The following KCNQ3 variants were observed in gnomAD, a reference collection of about 807,000 sequenced individuals.
The protein encoded by KCNQ3 is potassium voltage-gated channel subfamily Q member 3, also known as potassium voltage-gated channel subfamily KQT member 3.
In KCNQ3, 30 loss-of-function variants were observed where a neutral mutation model predicts 92.5. The ratio of observed to expected loss-of-function variants is 0.32; its 90% CI spans 0.24 to 0.44. The LOEUF (loss-of-function observed/expected upper bound fraction) is 0.44, where lower values mean the gene tolerates loss of function less well. KCNQ3 is among the 20% of genes least tolerant of loss of function. The pLI is 1.00. For missense variants in KCNQ3, 913 were observed against 1,140.3 expected (o/e 0.80, Z 2.87); for synonymous variants, 450 against 468.8 (o/e 0.96, Z 0.52).
At chr8:132,465,811 T>C (rs1426393473) in intron 1 of KCNQ3, among the ~76,000 whole-genome samples, 1 of 150,592 alleles carries the variant, frequency 6.6e-6, no homozygotes, top group African/African-American at 2.4e-5. Flanking sequence ...CTTGGGAGGC[T>C]GAGGCGGGAG....
At chr8:132,224,999 T>G (rs947960747) in intron 1 of KCNQ3, among the ~76,000 whole-genome samples, 2 of 152,182 alleles carry the variant, frequency 1.3e-5, no homozygotes, top group African/African-American at 4.8e-5. Context: ...GTGCTTACAA[T>G]TGACAGAATG....
rs943073757 is a variant in KCNQ3, at chr8:132,170,370, C to T, written c.1199G>A (p.Arg400Lys). The change falls in exon 8 of 15, where the codon AGA becomes AAA. Residue 400 changes from arginine (R) to lysine (K), a missense_variant. Around this residue, in one of 6 missense-constraint regions of KCNQ3, gnomAD observed 52 missense variants for 127.7 expected, o/e 0.41. Transcript: ENST00000388996. The part of the protein sequence containing the change: ...PNRIDLVATW[R>K]FYESVVSFPF... ...AAAAGAGACGACTGATTCATAAAAT[C>T]TCCATGTCGCCACCAGGTCAATCCT... is the stretch of plus-strand genomic sequence containing the variant. The T allele has an allele frequency of 2.5e-6, 4 of 1,613,958 alleles. No homozygotes were observed. In the African/African-American group the frequency reaches 4.0e-5, roughly 16 times the overall value.
At chr8:132,331,573 C>T (rs990983344) in intron 1 of KCNQ3, among the ~76,000 whole-genome samples, 2 of 152,206 alleles carry the variant, frequency 1.3e-5, no homozygotes, top group African/African-American at 4.8e-5. Flanking sequence ...TGTCCCCTCC[C>T]CTCTTCTCTT....
At chr8:132,222,750 T>G (rs2130343819) in intron 1 of KCNQ3, among the ~76,000 whole-genome samples, 1 of 152,308 alleles carries the variant, frequency 6.6e-6, no homozygotes, top group South Asian at 2.1e-4. Flanking sequence ...TGAAGGACAG[T>G]CAGTTTCATA....
chr8:132,187,952 T>TGA (rs879803151), intron 1 of KCNQ3, among the ~76,000 whole-genome samples: 1 of 150,942 alleles, frequency 6.6e-6, no homozygotes, highest in Non-Finnish European at 1.5e-5. Flanking sequence ...GTGGTGGTGG[T>TGA]TGTGATGATG....
At chr8:132,442,638 T>A (rs1821566778) in intron 1 of KCNQ3, among the ~76,000 whole-genome samples, 1 of 152,166 alleles carries the variant, frequency 6.6e-6, no homozygotes, top group South Asian at 2.1e-4. Flanking sequence ...TAGTTCCCCA[T>A]ACAAGCTACC....
At chr8:132,228,321 T>C (rs1814499665) in intron 1 of KCNQ3, among the ~76,000 whole-genome samples, 1 of 152,152 alleles carries the variant, frequency 6.6e-6, no homozygotes, top group Non-Finnish European at 1.5e-5. Context: ...CTGTATTACA[T>C]TGAATAACTC....
chr8:132,300,846 G>A (rs973876820), intron 1 of KCNQ3, among the ~76,000 whole-genome samples: 4 of 152,122 alleles, frequency 2.6e-5, no homozygotes, highest in African/African-American at 9.7e-5. Flanking sequence ...CAGTACCACC[G>A]ATCACTGGGC....
At chr8:132,252,732 T>C (rs1466344907) in intron 1 of KCNQ3, among the ~76,000 whole-genome samples, 1 of 152,180 alleles carries the variant, frequency 6.6e-6, no homozygotes, top group African/African-American at 2.4e-5. Flanking sequence ...TACGGAGTGC[T>C]GACTTGTGCA....
At chr8:132,406,392 G>T (rs77053284) in intron 1 of KCNQ3, among the ~76,000 whole-genome samples, 2,235 of 152,226 alleles carry the variant, frequency 0.015, 19 homozygotes, top group Non-Finnish European at 0.024. Context: ...TATCAACCTT[G>T]CTCCTAATGC....
intron 7 of KCNQ3, among the ~76,000 whole-genome samples, chr8:132,170,747 C>CA (rs1163361129): frequency 6.6e-6 from 1 of 151,660 alleles, no homozygotes; most frequent in Admixed American, 6.6e-5. Context: ...TGCTATGGCT[C>CA]ACGCCTGTAA....
intron 2 of KCNQ3, among the ~76,000 whole-genome samples, chr8:132,184,629 G>A (rs750689592): frequency 7.2e-5 from 11 of 152,110 alleles, no homozygotes; most frequent in Non-Finnish European, 1.5e-4. Flanking sequence ...GTGATTACTC[G>A]TTCTTTTTTC....
intron 6 of KCNQ3, 131 bp from the exon 7 acceptor site, chr8:132,172,824 AG>A: frequency 1.4e-6 from 1 of 719,112 alleles, no homozygotes; most frequent in Non-Finnish European, 2.5e-6. Context: ...CACTGTACAA[AG>A]AAGGGAAGGG....
intron 5 of KCNQ3, 40 bp from the exon 6 acceptor site, chr8:132,174,389 G>A: frequency 7.0e-7 from 1 of 1,429,468 alleles, no homozygotes; most frequent in Non-Finnish European, 9.7e-7. Context: ...ACCACATGGA[G>A]AGGAATATCA....
chr8:132,444,655 G>T lies in KCNQ3; in HGVS notation c.386+35492C>A, dbSNP rs374309719. On this transcript the variant is annotated intron_variant, in intron 1 of 14. Transcript: ENST00000388996. ...GCATAGCTCTACAGAATGCTACGGGGAATGTGGTATGAGACAGATGCACAG... is the reference window on the plus strand; with the variant it reads ...GCATAGCTCTACAGAATGCTACGGGTAATGTGGTATGAGACAGATGCACAG... Among the ~76,000 whole-genome samples, 5 of 152,318 alleles carry T rather than the reference G, an allele frequency of 3.3e-5. No homozygotes were observed. The East Asian group carries it at 9.6e-4, about 29-fold the overall frequency.
chr8:132,169,200 C>A (rs1393638405), intron 8 of KCNQ3, among the ~76,000 whole-genome samples: 2 of 152,120 alleles, frequency 1.3e-5, no homozygotes, highest in South Asian at 4.1e-4. Context: ...ACTGGCTCAG[C>A]CCCACCCCAG....
intron 1 of KCNQ3, among the ~76,000 whole-genome samples, chr8:132,233,139 C>T (rs1814694846): frequency 6.6e-6 from 1 of 152,148 alleles, no homozygotes; most frequent in South Asian, 2.1e-4. Flanking sequence ...CAATAGTAAC[C>T]CTTCCTAATT....
rs1826121106 is a variant in KCNQ3, at chr8:132,165,579, ACT to A, written c.1236-2087_1236-2086del. 2.0e-5 allele frequency among the ~76,000 whole-genome samples: 3 copies of A among 152,144 alleles called. No individual in the cohort carries two copies. In the South Asian group the frequency reaches 6.2e-4, roughly 32 times the overall value. On this transcript the variant is annotated intron_variant, in intron 8 of 14. Coordinates refer to ENST00000388996, the MANE Select transcript of KCNQ3 (RefSeq NM_004519.4). ...CTATGGGCTAGGGACTAAGACAACC[ACT>A]CTCACACATTTTACTCAGTTTGACC... is the stretch of plus-strand genomic sequence containing the variant.
At chr8:132,178,036 T>G (rs1334719655) in intron 4 of KCNQ3, among the ~76,000 whole-genome samples, 2 of 152,230 alleles carry the variant, frequency 1.3e-5, no homozygotes, top group African/African-American at 4.8e-5. Context: ...TGAGGAATTA[T>G]ATCACAAACT....
Sources: allele counts gnomAD v4.1 joint callset (sites outside exome capture counted in the v4.1 genomes callset), GRCh38; gene constraint gnomAD v4.1.1; regional missense constraint gnomAD v4.1.1; transcripts MANE v1.5; gene names NCBI Gene and HGNC (gene_info 2026-07-23, HGNC 2026-07-21).